TJP2: variants seen among roughly 807,000 people sequenced by gnomAD.
The protein encoded by TJP2 is Friedreich ataxia region gene X104 (tight junction protein ZO-2).
TJP2 carries 91 observed loss-of-function variants against 133.1 expected under a neutral mutation model. That is an observed-to-expected ratio of 0.68 (90% CI 0.58 to 0.81). The LOEUF (loss-of-function observed/expected upper bound fraction) is 0.81, where lower values mean the gene tolerates loss of function less well. TJP2 is among the 40% of genes least tolerant of loss of function. The pLI is 0.00. For synonymous variants in TJP2, 592 were observed against 583.4 expected (o/e 1.01, Z -0.21); for missense variants, 1,541 against 1,565.6 (o/e 0.98, Z 0.26).
At position 69,227,475 on chromosome 9, in the gene TJP2, C is replaced by T. The variant is rs11137588; in HGVS notation, c.1211-290C>T. On this transcript the variant is annotated intron_variant, in intron 7 of 22. Transcript: ENST00000377245. ...GCTGCTTGGGAAGAATTAGTGTATA[C>T]ATCTATGATCCAATAATAGAATTTT... Among the ~76,000 whole-genome samples, 17,139 of 152,208 alleles carry T rather than the reference C, an allele frequency of 0.11. 1,049 individuals are homozygous for T. The highest frequency in any genetic ancestry group is 0.18 in the South Asian group (851 of 4,830).
At chr9:69,234,152 C>A (rs562277712) in intron 11 of TJP2, among the ~76,000 whole-genome samples, 5 of 152,252 alleles carry the variant, frequency 3.3e-5, no homozygotes, top group African/African-American at 1.2e-4. Flanking sequence ...CTATTGTGAT[C>A]TGGTGACAGA....
chr9:69,187,022 A>C (rs1275271580), intron 1 of TJP2, among the ~76,000 whole-genome samples: 1 of 152,206 alleles, frequency 6.6e-6, no homozygotes, highest in Non-Finnish European at 1.5e-5. Context: ...TAGTTCAGGC[A>C]TTGCTAAACT....
chr9:69,170,659 A>C (rs145855480), upstream of TJP2, among the ~76,000 whole-genome samples: 134 of 152,316 alleles, frequency 8.8e-4, no homozygotes, highest in African/African-American at 3.1e-3. Context: ...TTCTTACCTT[A>C]ATTGACCTCC....
chr9:69,161,780 G>A (rs1824087825), intron 2 of TJP2, among the ~76,000 whole-genome samples: 3 of 149,878 alleles, frequency 2.0e-5, no homozygotes, highest in African/African-American at 7.3e-5. Context: ...GGGTGTGGTG[G>A]CTCACGCCTG....
At chr9:69,156,578 C>T (rs536187507) in intron 2 of TJP2, among the ~76,000 whole-genome samples, 33 of 124,370 alleles carry the variant, frequency 2.7e-4, no homozygotes, top group African/African-American at 9.8e-4. Flanking sequence ...GTCGCCCAGG[C>T]GGGAGTGCTG....
upstream of TJP2, among the ~76,000 whole-genome samples, chr9:69,171,044 C>T (rs200615442): frequency 7.0e-3 from 1,073 of 152,312 alleles, 20 homozygotes; most frequent in African/African-American, 0.025. Flanking sequence ...ACCTGGATGA[C>T]CCATAGCACT....
At chr9:69,242,953 TC>T (rs1830671264) in intron 17 of TJP2, among the ~76,000 whole-genome samples, 1 of 152,194 alleles carries the variant, frequency 6.6e-6, no homozygotes, top group Non-Finnish European at 1.5e-5. Context: ...AACCTCTGCT[TC>T]CTGGGCTCAA....
intron 21 of TJP2, 135 bp downstream of exon 21, chr9:69,251,499 G>T: frequency 2.2e-6 from 2 of 922,456 alleles, no homozygotes; most frequent in African/African-American, 3.3e-5. Flanking sequence ...TGCTGTGTAT[G>T]TCACTTCAGA....
At chr9:69,233,734 G>A (rs1000040873) in intron 11 of TJP2, among the ~76,000 whole-genome samples, 5 of 151,736 alleles carry the variant, frequency 3.3e-5, no homozygotes, top group Non-Finnish European at 5.9e-5. Flanking sequence ...CCAAGATCGC[G>A]CCATTGCACT....
upstream of TJP2, among the ~76,000 whole-genome samples, chr9:69,173,404 G>A (rs1157277782): frequency 6.6e-6 from 1 of 152,146 alleles, no homozygotes; most frequent in African/African-American, 2.4e-5. Flanking sequence ...GACTTCGAAA[G>A]GAATAAGCAC....
chr9:69,133,308 A>G (rs1224723935), intron 1 of TJP2, among the ~76,000 whole-genome samples: 1 of 152,128 alleles, frequency 6.6e-6, no homozygotes, highest in Non-Finnish European at 1.5e-5. Flanking sequence ...GTGTATGTAG[A>G]GTGCTTATTT....
At chr9:69,156,754 C>G (rs1402988647) in intron 2 of TJP2, among the ~76,000 whole-genome samples, 1 of 151,828 alleles carries the variant, frequency 6.6e-6, no homozygotes, top group African/African-American at 2.4e-5. Flanking sequence ...CTCCTGACCT[C>G]GTGATCCGCC....
At chr9:69,165,710 G>A (rs1325544259) in intron 2 of TJP2, among the ~76,000 whole-genome samples, 1 of 152,180 alleles carries the variant, frequency 6.6e-6, no homozygotes, top group Non-Finnish European at 1.5e-5. Context: ...AGTGTAAACA[G>A]CAGTAAAATA....
chr9:69,188,734 A>G (rs1247914915), intron 1 of TJP2, among the ~76,000 whole-genome samples: 1 of 152,208 alleles, frequency 6.6e-6, no homozygotes, highest in Admixed American at 6.5e-5. Flanking sequence ...GATTATGTAT[A>G]CAGCTAGCTA....
chr9:69,126,374 C>T (rs1265104568), intron 1 of TJP2, among the ~76,000 whole-genome samples: 1 of 76,474 alleles, frequency 1.3e-5, no homozygotes, highest in African/African-American at 4.0e-5. Flanking sequence ...GTTGGCTGGG[C>T]CAGCTCCCCA....
At chr9:69,191,603 C>A (rs1826208710) in intron 1 of TJP2, among the ~76,000 whole-genome samples, 1 of 152,206 alleles carries the variant, frequency 6.6e-6, no homozygotes, top group African/African-American at 2.4e-5. Flanking sequence ...TTAGCTGTTT[C>A]CAGACCTTTC....
chr9:69,171,252 C>G (rs543310717), upstream of TJP2, among the ~76,000 whole-genome samples: 1 of 152,324 alleles, frequency 6.6e-6, no homozygotes, highest in Admixed American at 6.5e-5. Flanking sequence ...TGCTGATCTA[C>G]TTCCTTAGTT....
At chr9:69,198,793 C>T (rs1469687962) in intron 1 of TJP2, among the ~76,000 whole-genome samples, 5 of 152,272 alleles carry the variant, frequency 3.3e-5, no homozygotes, top group East Asian at 1.9e-4. Flanking sequence ...GTGGAATAAA[C>T]GATGAAAGGG....
chr9:69,138,418 T>C (rs974311394), intron 1 of TJP2, among the ~76,000 whole-genome samples: 1 of 151,546 alleles, frequency 6.6e-6, no homozygotes, highest in African/African-American at 2.4e-5. Flanking sequence ...ATCAGGAACT[T>C]CTGGGCTTTC....
Sources: gnomAD v4.1 joint callset for allele counts (sites outside exome capture counted in the v4.1 genomes callset) on GRCh38, gnomAD v4.1.1 for gene constraint, MANE v1.5 for transcripts, NCBI Gene and HGNC (gene_info 2026-07-23, HGNC 2026-07-21) for gene names.